The following GRIN1 variants were observed in gnomAD, a reference collection of about 807,000 sequenced individuals.
GRIN1 encodes the protein glutamate receptor ionotropic, NMDA 1.
Under a neutral mutation model 103.0 loss-of-function variants are expected in GRIN1, and 38 were observed. The observed-to-expected ratio is 0.37, with a 90% CI of 0.28 to 0.48. The LOEUF (loss-of-function observed/expected upper bound fraction) is 0.48, where lower values mean the gene tolerates loss of function less well. GRIN1 is among the 20% of genes least tolerant of loss of function. The probability of loss-of-function intolerance (pLI) is 0.98; values close to 1 mark genes in which losing one functional copy is unlikely to be tolerated. For missense variants in GRIN1, 577 were observed against 1,288.9 expected, an observed-to-expected ratio of 0.45 and a Z score of 8.46; for synonymous variants, 544 against 532.7, an observed-to-expected ratio of 1.02 and a Z score of -0.29.
chr9:137,164,898 A>G, intron 18 of GRIN1: 1 of 452,268 alleles, frequency 2.2e-6, no homozygotes, highest in Non-Finnish European at 4.1e-6. Flanking sequence ...GACGCCTGTA[A>G]GCCAGGGCCA....
chr9:137,168,361 GGCCGTCCCT>G lies in GRIN1; in HGVS notation c.*836_*844del, dbSNP rs1381786956. 5.7e-6 allele frequency: 1 copy of G among 176,682 alleles called. No individual in the cohort carries two copies. Among genetic ancestry groups the G allele is most frequent in the Non-Finnish European group, 1.2e-5 (1 of 85,498 alleles). The allele number at this position is 176,682 out of a possible 1,614,324, so 10.9% of individuals were successfully genotyped here. A position where few individuals can be genotyped will look rare whatever the true frequency, so the allele number is the denominator to read the frequency against. ...CGGGGCTGGCCCTGCCCTCCCCCAC[GGCCGTCCCT>G]GACTTCCCAGCTGGCAGCGCCTCCC... On this transcript the variant is annotated 3_prime_UTR_variant, in exon 20 of 20. Coordinates refer to ENST00000371561, the MANE Select transcript of GRIN1 (RefSeq NM_007327.4).
At chr9:137,148,056 C>G (rs1356326523) in intron 3 of GRIN1, 10 of 790,738 alleles carry the variant, frequency 1.3e-5, no homozygotes, top group Admixed American at 1.1e-4. Flanking sequence ...GCAGACGTGC[C>G]GAGGAGGTGG....
intron 2 of GRIN1, among the ~76,000 whole-genome samples, chr9:137,143,816 CAA>C (rs965554701): frequency 6.6e-6 from 1 of 152,198 alleles, no homozygotes; most frequent in African/African-American, 2.4e-5. Flanking sequence ...CAGAGGACCA[CAA>C]GATCAGCAAG....
chr9:137,161,885 G>A, intron 10 of GRIN1, 39 bp from the exon 11 acceptor site: 1 of 1,545,736 alleles, frequency 6.5e-7, no homozygotes, highest in Non-Finnish European at 8.7e-7. Flanking sequence ...GAGCTGGGAG[G>A]ACGCTGCCTG....
chr9:137,161,522 TG>T, intron 10 of GRIN1, 106 bp downstream of exon 10: 1 of 612,018 alleles, frequency 1.6e-6, no homozygotes, highest in Non-Finnish European at 2.3e-6. Flanking sequence ...TGGGGGGTCC[TG>T]GGGTGAGTGG....
At chr9:137,140,192 C>T (rs943537387) in intron 1 of GRIN1, among the ~76,000 whole-genome samples, 22 of 152,316 alleles carry the variant, frequency 1.4e-4, no homozygotes, top group African/African-American at 5.3e-4. Context: ...ACCGATGGGT[C>T]CGCCTGGGAA....
At position 137,162,001 on chromosome 9, in the gene GRIN1, G is replaced by T; in HGVS notation, c.1545G>T (p.Ala515=). The change falls in exon 11 of 20, where the codon GCG becomes GCT. Residue 515 remains alanine (A), a synonymous_variant. Transcript: ENST00000371561. The part of the protein sequence containing the change: ...LLSGQADMIV[A]PLTINNERAQ... ...GCGGGCAGGCAGACATGATCGTGGCGCCGCTAACCATAAACAACGAGCGCG... is the reference window on the plus strand; with the variant it reads ...GCGGGCAGGCAGACATGATCGTGGCTCCGCTAACCATAAACAACGAGCGCG... 1 of 1,558,110 alleles carries T rather than the reference G, an allele frequency of 6.4e-7. No individual in the cohort carries two copies. Among genetic ancestry groups the T allele is most frequent in the African/African-American group, 1.4e-5 (1 of 73,484 alleles).
intron 6 of GRIN1, 49 bp from the exon 7 acceptor site, chr9:137,158,330 C>CA (rs1252235152): frequency 1.3e-6 from 2 of 1,597,946 alleles, no homozygotes; most frequent in Non-Finnish European, 1.7e-6. Flanking sequence ...CAGGGAGGAG[C>CA]AGGAGAAGGA....
intron 17 of GRIN1, 44 bp from the exon 18 acceptor site, chr9:137,163,715 G>A (rs201605348): frequency 1.2e-5 from 20 of 1,613,258 alleles, no homozygotes; most frequent in African/African-American, 2.7e-5. Context: ...CGTGGGCTGC[G>A]GCCTCCCTGG....
In GRIN1 at chr9:137,139,324, G is replaced by T. The variant is rs894767671; in HGVS notation, c.-163G>T. The T allele has an allele frequency of 1.0e-5, 3 of 298,472 alleles. No homozygotes were observed. The highest frequency in any genetic ancestry group is 1.7e-5 in the Non-Finnish European group (3 of 171,872). The allele number at this position is 298,472 out of a possible 1,614,324, so 18.5% of individuals were successfully genotyped here. ...CCCGAGCCCCCGCGCACGCTTCAGC[G>T]CCCCTTCCCTCGGCCGACGTCCCGG... On this transcript the variant is annotated 5_prime_UTR_variant, in exon 1 of 20. Transcript: ENST00000371561. The surrounding 1 kb of genome is among the most constrained non-coding windows in gnomAD (Gnocchi z 7.7).
At chr9:137,161,252 G>C (rs1833525297) in intron 9 of GRIN1, 37 bp from the exon 10 acceptor site, 9 of 1,611,174 alleles carry the variant, frequency 5.6e-6, no homozygotes, top group Non-Finnish European at 6.8e-6. Flanking sequence ...GCGTGGGGCG[G>C]TCTGGAGCCC....
Position 137,149,048 on chromosome 9 carries a change from G to A in GRIN1, c.610G>A (p.Val204Met), listed in dbSNP as rs140422926. ...GCAGTTTGACCCAGGGACCAAGAAC[G>A]TGACGGCCCTGCTGATGGAGGCGAA... ...VLQFDPGTKN[V>M]TALLMEAKEL... The change falls in exon 4 of 20, where the codon GTG becomes ATG. Residue 204 changes from valine (V) to methionine (M), a missense_variant. Val to Met is a conservative substitution (Grantham distance 21). Coordinates refer to ENST00000371561, the MANE Select transcript of GRIN1 (RefSeq NM_007327.4). The A allele has an allele frequency of 1.3e-4, 204 of 1,613,602 alleles. No homozygotes were observed. The highest frequency in any genetic ancestry group is 1.6e-4 in the Non-Finnish European group (185 of 1,179,770).
At chr9:137,155,955 C>G (rs899026815) in intron 4 of GRIN1, among the ~76,000 whole-genome samples, 4 of 152,218 alleles carry the variant, frequency 2.6e-5, no homozygotes, top group African/African-American at 9.6e-5. Context: ...GTCCCCAGGA[C>G]GCTGGATCCA....
In GRIN1 at chr9:137,163,141, G is replaced by C. The variant is rs778757411; in HGVS notation, c.2172-28G>C. 6.2e-6 allele frequency: 10 copies of C among 1,610,314 alleles called. No individual in the cohort carries two copies. In the African/African-American group the frequency reaches 1.1e-4, roughly 17 times the overall value. ...GGGCTTCCAGGCTGGCAGGACCAAG[G>C]CCCCCGTGACTCCGCCTCTGCCGGC... On this transcript the variant is annotated intron_variant, in intron 15 of 19. Coordinates refer to ENST00000371561, the MANE Select transcript of GRIN1 (RefSeq NM_007327.4).
intron 18 of GRIN1, chr9:137,164,297 T>G: frequency 3.1e-6 from 1 of 324,556 alleles, no homozygotes; most frequent in East Asian, 8.3e-5. Context: ...CTTGACACCC[T>G]TCGGAGACCC....
rs561508508 is a variant in GRIN1 at position 137,144,401 on chromosome 9, T to C, written c.394-1325T>C. 2.0e-3 allele frequency among the ~76,000 whole-genome samples: 301 copies of C among 150,158 alleles called. 3 individuals carry two copies. Among genetic ancestry groups the C allele is most frequent in the Non-Finnish European group, 6.8e-4 (46 of 67,630 alleles). Reference sequence around the variant, plus strand: ...CGGGCGCGGTGGCTCACGCCTGTAATCCCAGCACTTTGGGAGGCCGAGGCG... The same window carrying C: ...CGGGCGCGGTGGCTCACGCCTGTAACCCCAGCACTTTGGGAGGCCGAGGCG... On this transcript the variant is annotated intron_variant, in intron 2 of 19. Transcript: ENST00000371561.
intron 2 of GRIN1, among the ~76,000 whole-genome samples, chr9:137,145,337 C>G (rs1285491651): frequency 4.6e-4 from 57 of 122,796 alleles, no homozygotes; most frequent in Non-Finnish European, 8.0e-4. Flanking sequence ...AAGGGGGTCC[C>G]AGGGTCCAGA....
In GRIN1 at chr9:137,167,968, C is replaced by G. The variant is rs1833967657; in HGVS notation, c.*441C>G. On this transcript the variant is annotated 3_prime_UTR_variant, in exon 20 of 20. Coordinates refer to ENST00000371561, the MANE Select transcript of GRIN1 (RefSeq NM_007327.4). ...TGCCCACCCTGGGCCTCCCGTCCGT[C>G]CGCCCGCCCACCCCGCTGCCTGGCG... 1.2e-6 allele frequency: 1 copy of G among 847,156 alleles called. No individual in the cohort carries two copies. The highest frequency in any genetic ancestry group is 1.9e-6 in the Non-Finnish European group (1 of 521,518). The allele number at this position is 847,156 out of a possible 1,614,324, so 52.5% of individuals were successfully genotyped here.
chr9:137,168,697 C>T lies in GRIN1; in HGVS notation c.*1170C>T. Reference sequence around the variant, plus strand: ...CCTCCGTCCCCAGGGTGCAGGCGCGCACCGCCCAACCCCCACCTCCCGGTG... The same window carrying T: ...CCTCCGTCCCCAGGGTGCAGGCGCGTACCGCCCAACCCCCACCTCCCGGTG... On this transcript the variant is annotated 3_prime_UTR_variant, in exon 20 of 20. Transcript: ENST00000371561. The T allele has an allele frequency of 1.8e-6, 1 of 549,950 alleles. No homozygotes were observed. Among genetic ancestry groups the T allele is most frequent in the Non-Finnish European group, 2.7e-6 (1 of 377,268 alleles). 34.1% of individuals were successfully genotyped at this position (549,950 alleles called of 1,614,324 possible). A position where few individuals can be genotyped will look rare whatever the true frequency, so the allele number is the denominator to read the frequency against.
Sources: gnomAD v4.1 joint callset for allele counts (sites outside exome capture counted in the v4.1 genomes callset) on GRCh38, gnomAD v4.1.1 for gene constraint, Gnocchi (gnomAD v3.1) non-coding constraint, MANE v1.5 for transcripts, NCBI Gene and HGNC (gene_info 2026-07-23, HGNC 2026-07-21) for gene names.